The following TREH variants were observed in gnomAD, a reference collection of about 807,000 sequenced individuals.
TREH encodes alpha,alpha-trehalose glucohydrolase.
A neutral mutation model predicts 80.5 loss-of-function variants in TREH; 69 were observed. The observed-to-expected ratio is 0.86, with a 90% confidence interval of 0.71 to 1.05. The LOEUF is 1.05. Among genes scored for constraint, TREH ranks in the 50% least tolerant of loss-of-function variants. The pLI is 0.00. For missense variants in TREH, 716 were observed against 718.8 expected (o/e 1.00, Z 0.04); for synonymous variants, 309 against 293.5 (o/e 1.05, Z -0.54).
rs1555145399 is a variant in TREH, at chr11:118,663,411, T to G, written c.118A>C (p.Asn40His). ...SEIYCHGELL[N>H]QVQMAKLYQD... ...TAGAGCTTGGCCATTTGAACTTGGTTTAGGAGCTCCCCGTGGCAGTAAATC... is the reference window on the plus strand; with the variant it reads ...TAGAGCTTGGCCATTTGAACTTGGTGTAGGAGCTCCCCGTGGCAGTAAATC... Residue 40 changes from asparagine to histidine, a missense_variant, in exon 2 of 15, where the codon AAC becomes CAC. By Grantham distance (68) the Asn-to-His change is moderately conservative (BLOSUM62 1). Transcript: ENST00000264029. The G allele has an allele frequency of 6.3e-7, 1 of 1,592,564 alleles. No individual in the cohort carries two copies. Among genetic ancestry groups the G allele is most frequent in the African/African-American group, 1.3e-5 (1 of 74,502 alleles).
chr11:118,662,204 G>A (rs145367915), intron 4 of TREH, among the ~76,000 whole-genome samples: 1,712 of 149,992 alleles, frequency 0.011, 26 homozygotes, highest in African/African-American at 0.04. Flanking sequence ...GGGAGTCCCA[G>A]CTCAACTTGG....
chr11:118,661,505 C>T lies in TREH; in HGVS notation c.622G>A (p.Gly208Arg). Reference sequence around the variant, plus strand: ...ACGCGCCCACCATTGGGGACATGCCCATAGCTGCCAAGGGGAAGGCCTGCT... The same window carrying T: ...ACGCGCCCACCATTGGGGACATGCCTATAGCTGCCAAGGGGAAGGCCTGCT... ...QNFLDLVKTY[G>R]HVPNGGRVYY... Residue 208 changes from glycine (G) to arginine (R), a missense_variant, in exon 7 of 15, where the codon GGG (glycine) becomes AGG (arginine). Physicochemically the swap from Gly to Arg is moderately radical, Grantham distance 125. Transcript: ENST00000264029. The surrounding 1 kb of genome is among the most constrained non-coding windows in gnomAD (Gnocchi z 4.2). 6.2e-7 allele frequency: 1 copy of T among 1,613,344 alleles called. No homozygotes were observed. The highest frequency in any genetic ancestry group is 8.5e-7 in the Non-Finnish European group (1 of 1,179,616).
At chr11:118,663,565 G>A in intron 1 of TREH, 126 bp from the exon 2 acceptor site, 1 of 745,426 alleles carries the variant, frequency 1.3e-6, no homozygotes, top group Non-Finnish European at 2.2e-6. Context: ...GGCTGTGTGT[G>A]CGTGCGTGTG....
intron 4 of TREH, 144 bp from the exon 5 acceptor site, chr11:118,662,134 A>G (rs1949330860): frequency 1.5e-6 from 1 of 661,734 alleles, no homozygotes; most frequent in African/African-American, 1.8e-5. Flanking sequence ...CTACTCAGCC[A>G]TGTAATCAAG....
intron 4 of TREH, 131 bp from the exon 5 acceptor site, chr11:118,662,121 C>T (rs1010682378): frequency 1.0e-5 from 7 of 691,480 alleles, no homozygotes; most frequent in African/African-American, 1.8e-5. Flanking sequence ...GCTGGCTCCA[C>T]TGCTACTCAG....
At chr11:118,675,829 A>G (rs1386292400) in intron 1 of TREH, among the ~76,000 whole-genome samples, 1 of 151,954 alleles carries the variant, frequency 6.6e-6, no homozygotes, top group Non-Finnish European at 1.5e-5. Context: ...AGCCTCCTCA[A>G]TAGCTGGGAT....
intron 1 of TREH, among the ~76,000 whole-genome samples, chr11:118,678,968 A>G (rs1181221454): frequency 1.3e-5 from 2 of 152,210 alleles, no homozygotes; most frequent in Non-Finnish European, 2.9e-5. Context: ...AATCCTGAGA[A>G]GAGGCCTGCA....
intron 4 of TREH, 186 bp downstream of exon 4, chr11:118,662,695 G>A: frequency 1.6e-6 from 1 of 640,286 alleles, no homozygotes; most frequent in Non-Finnish European, 2.7e-6. Context: ...GATGTTAGAA[G>A]TAGATGCTGC....
At position 118,668,561 on chromosome 11, in the gene TREH, C is replaced by CAAAAA. The variant is rs35085066; in HGVS notation, c.90-5127_90-5123dup. Among the ~76,000 whole-genome samples the CAAAAA allele has an allele frequency of 1.8e-3, 84 of 47,836 alleles. 11 individuals carry two copies. Among genetic ancestry groups the CAAAAA allele is most frequent in the Admixed American group, 2.1e-3 (5 of 2,402 alleles). 31.4% of individuals were successfully genotyped at this position (47,836 alleles called of 152,430 possible). A position where few individuals can be genotyped will look rare whatever the true frequency, so the allele number is the denominator to read the frequency against. On this transcript the variant is annotated intron_variant, in intron 1 of 14. Coordinates refer to ENST00000264029, the MANE Select transcript of TREH (RefSeq NM_007180.3). Reference sequence around the variant, plus strand: ...TGGGCAACAGGGTGAGACTCTGTCTCAAAAAAAAAAAAAAAAAAAAAAAAA... The same window carrying CAAAAA: ...TGGGCAACAGGGTGAGACTCTGTCTCAAAAAAAAAAAAAAAAAAAAAAAAAAAAAA...
intron 4 of TREH, among the ~76,000 whole-genome samples, chr11:118,662,321 GC>G (rs1407477287): frequency 1.2e-4 from 18 of 152,216 alleles, no homozygotes; most frequent in African/African-American, 4.1e-4. Context: ...GGGGGTGCCA[GC>G]CCCCCATTTC....
chr11:118,674,681 T>C lies in TREH; in HGVS notation c.89+4858A>G, dbSNP rs1158530841. ...CCTCAGCCTCCTGAGTAGATGGGAT[T>C]ACAGGTGCGCACCACCACACCCGGC... is the stretch of plus-strand genomic sequence containing the variant. On this transcript the variant is annotated intron_variant, in intron 1 of 14. Coordinates refer to ENST00000264029, the MANE Select transcript of TREH (RefSeq NM_007180.3). This position sits in a 1 kb window ranked among gnomAD's most constrained non-coding sequence, Gnocchi z 4.4. Among the ~76,000 whole-genome samples, 1 of 152,178 alleles carries C rather than the reference T, an allele frequency of 6.6e-6. No individual in the cohort carries two copies. Among genetic ancestry groups the C allele is most frequent in the Non-Finnish European group, 1.5e-5 (1 of 68,034 alleles).
At chr11:118,677,673 C>T (rs1464656293) in intron 1 of TREH, among the ~76,000 whole-genome samples, 4 of 152,058 alleles carry the variant, frequency 2.6e-5, no homozygotes, top group African/African-American at 9.7e-5. Context: ...TGCAGCGAGC[C>T]GAGATTGCAC....
chr11:118,665,805 G>T (rs558695143), intron 1 of TREH, among the ~76,000 whole-genome samples: 2 of 152,306 alleles, frequency 1.3e-5, no homozygotes, highest in African/African-American at 4.8e-5. Flanking sequence ...CACTAGTTCC[G>T]CACCTTTGTA....
Position 118,663,448 on chromosome 11 carries a change from AC to A in TREH, c.90-10del, listed in dbSNP as rs1555145412. On this transcript the variant is annotated splice_polypyrimidine_tract_variant and intron_variant, in intron 1 of 14. Transcript: ENST00000264029. Reference sequence around the variant, plus strand: ...CGTGGCAGTAAATCTCACTGCAGAGACAGGGATAGGAGCAGGTCAGGTCACC... The same window carrying A: ...CGTGGCAGTAAATCTCACTGCAGAGAAGGGATAGGAGCAGGTCAGGTCACC... 1 of 1,566,150 alleles carries A rather than the reference AC, an allele frequency of 6.4e-7. No individual in the cohort carries two copies. Among genetic ancestry groups the A allele is most frequent in the Admixed American group, 1.9e-5 (1 of 53,208 alleles).
chr11:118,657,917 C>T lies in TREH; in HGVS notation c.*372G>A, dbSNP rs1445387217. 2 of 217,620 alleles carry T rather than the reference C, an allele frequency of 9.2e-6. No individual in the cohort carries two copies. The highest frequency in any genetic ancestry group is 4.5e-5 in the African/African-American group (2 of 44,244). 13.5% of individuals were successfully genotyped at this position (217,620 alleles called of 1,614,324 possible). A position where few individuals can be genotyped will look rare whatever the true frequency, so the allele number is the denominator to read the frequency against. Reference sequence around the variant, plus strand: ...CCTTCACGCCTTAACACTAAGCCCACCTCCCCTGCTCTCCTTCCCAGCATT... The same window carrying T: ...CCTTCACGCCTTAACACTAAGCCCATCTCCCCTGCTCTCCTTCCCAGCATT... On this transcript the variant is annotated 3_prime_UTR_variant, in exon 15 of 15. Coordinates refer to ENST00000264029, the MANE Select transcript of TREH (RefSeq NM_007180.3).
Position 118,661,948 on chromosome 11 carries a change from T to C in TREH, c.466A>G (p.Ile156Val). The change falls in exon 5 of 15, where the codon ATC becomes GTC. Residue 156 changes from isoleucine to valine, a missense_variant. Ile to Val is a conservative substitution (Grantham distance 29, BLOSUM62 3). Coordinates refer to ENST00000264029, the MANE Select transcript of TREH (RefSeq NM_007180.3). This position sits in a 1 kb window ranked among gnomAD's most constrained non-coding sequence, Gnocchi z 4.2. The part of the protein sequence containing the change: ...VLSHPERFSL[I>V]YSEHPFIVPG... ...ACAATGAAGGGATGTTCTGAGTAGA[T>C]GAGAGAGAACCGCTCAGGGTGGCTG... 2 of 1,555,800 alleles carry C rather than the reference T, an allele frequency of 1.3e-6. No individual in the cohort carries two copies.
chr11:118,661,358 G>C lies in TREH; in HGVS notation c.734+35C>G, dbSNP rs782505769. ...CCCTGAGAGGTCTGAGGGATGGGTG[G>C]GTCTGCAGAGCAGCACAGGGAGGGT... is the stretch of plus-strand genomic sequence containing the variant. On this transcript the variant is annotated intron_variant, in intron 7 of 14. Coordinates refer to ENST00000264029, the MANE Select transcript of TREH (RefSeq NM_007180.3). This position sits in a 1 kb window ranked among gnomAD's most constrained non-coding sequence, Gnocchi z 4.2. The C allele has an allele frequency of 1.2e-6, 2 of 1,613,914 alleles. No homozygotes were observed. The highest frequency in any genetic ancestry group is 1.1e-5 in the South Asian group (1 of 91,066).
At position 118,661,164 on chromosome 11, in the gene TREH, G is replaced by A. The variant is rs1204459084; in HGVS notation, c.853C>T (p.Pro285Ser). 1.2e-6 allele frequency: 2 copies of A among 1,613,824 alleles called. No homozygotes were observed. Among genetic ancestry groups the A allele is most frequent in the Non-Finnish European group, 1.7e-6 (2 of 1,179,882 alleles). ...GTGGGCTGCCCAGTTCCTCACCTGG[G>A]TCCCCCATAAGGGACATAATAGCGA... ...LNRYYVPYGG[P>S]RPESYSKDVE... Residue 285 changes from proline to serine, a missense_variant, in exon 8 of 15, where the codon CCC becomes TCC. Coordinates refer to ENST00000264029, the MANE Select transcript of TREH (RefSeq NM_007180.3). This position sits in a 1 kb window ranked among gnomAD's most constrained non-coding sequence, Gnocchi z 4.2.
At position 118,663,400 on chromosome 11, in the gene TREH, T is replaced by A; in HGVS notation, c.129A>T (p.Gln43His). ...YCHGELLNQV[Q>H]MAKLYQDDKQ... The stretch of plus-strand genomic sequence containing the variant: ...TGTCATCCTGGTAGAGCTTGGCCAT[T>A]TGAACTTGGTTTAGGAGCTCCCCGT... The change falls in exon 2 of 15, where the codon CAA becomes CAT. Residue 43 changes from glutamine (Q) to histidine (H), a missense_variant. By Grantham distance (24) the Gln-to-His change is conservative. Coordinates refer to ENST00000264029, the MANE Select transcript of TREH (RefSeq NM_007180.3). 6.3e-7 allele frequency: 1 copy of A among 1,595,836 alleles called. No homozygotes were observed. The highest frequency in any genetic ancestry group is 8.5e-7 in the Non-Finnish European group (1 of 1,171,156).
Sources: allele counts gnomAD v4.1 joint callset (sites outside exome capture counted in the v4.1 genomes callset), GRCh38; gene constraint gnomAD v4.1.1; non-coding constraint Gnocchi (gnomAD v3.1); transcripts MANE v1.5; gene names NCBI Gene and HGNC (gene_info 2026-07-23, HGNC 2026-07-21).